The following ZNF521 variants were observed in gnomAD, a reference collection of about 807,000 sequenced individuals.
ZNF521 encodes the protein zinc finger protein 521, also known as LYST-interacting protein 3.
Under a neutral mutation model 105.5 loss-of-function variants are expected in ZNF521, and 14 were observed. That is an observed-to-expected ratio of 0.13 (90% CI 0.09 to 0.21). ZNF521 has a LOEUF of 0.21. ZNF521 is among the 10% of genes least tolerant of loss of function. The pLI, the probability that ZNF521 is intolerant of heterozygous loss-of-function variation, is 1.00. For synonymous variants in ZNF521, 635 were observed against 606.0 expected (o/e 1.05, Z -0.70); for missense variants, 1,233 against 1,629.7 (o/e 0.76, Z 4.19).
At chr18:25,314,350 CCATATGA>C (rs920770326) in intron 3 of ZNF521, among the ~76,000 whole-genome samples, 1 of 152,130 alleles carries the variant, frequency 6.6e-6, no homozygotes, top group Non-Finnish European at 1.5e-5. Context: ...TTTGCCACAA[CCATATGA>C]CACATGTATA....
At chr18:25,236,583 C>T (rs890202096) in intron 3 of ZNF521, among the ~76,000 whole-genome samples, 1 of 151,846 alleles carries the variant, frequency 6.6e-6, no homozygotes, top group African/African-American at 2.4e-5. Flanking sequence ...GTTGGACTAT[C>T]TTGAGACTTC....
At chr18:25,066,631 G>T (rs1413851787) in intron 7 of ZNF521, among the ~76,000 whole-genome samples, 2 of 152,148 alleles carry the variant, frequency 1.3e-5, no homozygotes, top group Non-Finnish European at 2.9e-5. Flanking sequence ...CAAGTGGGAA[G>T]GATAAAAAAG....
At chr18:25,346,735 G>A (rs1255590439) in intron 2 of ZNF521, among the ~76,000 whole-genome samples, 1 of 152,210 alleles carries the variant, frequency 6.6e-6, no homozygotes, top group African/African-American at 2.4e-5. Context: ...GTTAGCTACT[G>A]TGACGGCCAA....
chr18:25,117,628 A>G (rs2034354947), intron 5 of ZNF521, among the ~76,000 whole-genome samples: 1 of 152,136 alleles, frequency 6.6e-6, no homozygotes, highest in Non-Finnish European at 1.5e-5. Context: ...GAAAATTATA[A>G]TTTTTGAAAT....
chr18:25,235,330 T>G (rs1906814635), intron 3 of ZNF521, among the ~76,000 whole-genome samples: 1 of 152,206 alleles, frequency 6.6e-6, no homozygotes, highest in Non-Finnish European at 1.5e-5. Context: ...AATTTCTCAA[T>G]GCTACCAAGT....
chr18:25,089,150 T>C (rs891487227), intron 7 of ZNF521, among the ~76,000 whole-genome samples: 12 of 152,096 alleles, frequency 7.9e-5, no homozygotes, highest in African/African-American at 2.9e-4. Context: ...TAAAACAGGA[T>C]TTGGGAGAAT....
At chr18:25,321,370 C>G (rs1252736671) in intron 3 of ZNF521, among the ~76,000 whole-genome samples, 1 of 152,226 alleles carries the variant, frequency 6.6e-6, no homozygotes, top group Non-Finnish European at 1.5e-5. Flanking sequence ...TTAAATCTGA[C>G]TCTTCCAAGG....
intron 3 of ZNF521, among the ~76,000 whole-genome samples, chr18:25,284,862 G>C (rs111332422): frequency 0.016 from 2,494 of 151,860 alleles, 64 homozygotes; most frequent in African/African-American, 0.057. Flanking sequence ...AAACAAAAGA[G>C]GTTTCTAGTG....
chr18:25,125,523 A>G (rs1817838564), intron 5 of ZNF521, among the ~76,000 whole-genome samples: 1 of 151,732 alleles, frequency 6.6e-6, no homozygotes, highest in East Asian at 1.9e-4. Context: ...GTGTATGTGT[A>G]TATGTGTGTG....
At chr18:25,093,449 T>C (rs1167625363) in intron 5 of ZNF521, among the ~76,000 whole-genome samples, 1 of 152,196 alleles carries the variant, frequency 6.6e-6, no homozygotes, top group Non-Finnish European at 1.5e-5. Context: ...ACTGCAGTTA[T>C]TTTCTTTCAT....
chr18:25,350,815 GC>G, intron 2 of ZNF521, 91 bp downstream of exon 2: 1 of 1,411,620 alleles, frequency 7.1e-7, no homozygotes, highest in Non-Finnish European at 9.6e-7. Context: ...ACTCACGCGC[GC>G]ACACGCCTCG....
chr18:25,240,023 T>C (rs564104735), intron 3 of ZNF521, among the ~76,000 whole-genome samples: 1 of 152,122 alleles, frequency 6.6e-6, no homozygotes, highest in Non-Finnish European at 1.5e-5. Flanking sequence ...GGAGAACCCA[T>C]ACTTATCAGA....
At chr18:25,067,867 G>A (rs911520537) in intron 7 of ZNF521, among the ~76,000 whole-genome samples, 6 of 152,018 alleles carry the variant, frequency 3.9e-5, no homozygotes, top group African/African-American at 9.7e-5. Context: ...AAAATGTTAC[G>A]TATCAGTGGT....
In ZNF521 at chr18:25,062,752, CAAAAAAAAAAAAAAAAA is replaced by C. The variant is rs10540123; in HGVS notation, c.3907-28_3907-12del. On this transcript the variant is annotated splice_polypyrimidine_tract_variant and intron_variant, in intron 7 of 7. Coordinates refer to ENST00000361524, the MANE Select transcript of ZNF521 (RefSeq NM_015461.3). ...GGTCATTGTATGATTCTGTAAATAA[CAAAAAAAAAAAAAAAAA>C]AAAAAAAAAAAAAAAAGAGAAGAGA... 9.3e-4 allele frequency: 340 copies of C among 364,816 alleles called. 1 individual carries two copies. Among genetic ancestry groups the C allele is most frequent in the East Asian group, 2.9e-3 (63 of 21,546 alleles). 22.6% of individuals were successfully genotyped at this position (364,816 alleles called of 1,614,324 possible).
chr18:25,092,667 T>A (rs1488719823), intron 5 of ZNF521, among the ~76,000 whole-genome samples: 2 of 152,172 alleles, frequency 1.3e-5, no homozygotes, highest in African/African-American at 4.8e-5. Flanking sequence ...CTCCCTTAAC[T>A]CTGGAAGACA....
chr18:25,087,145 A>G (rs2033641692), intron 7 of ZNF521, among the ~76,000 whole-genome samples: 1 of 152,222 alleles, frequency 6.6e-6, no homozygotes, highest in Non-Finnish European at 1.5e-5. Flanking sequence ...GGAAAATGAT[A>G]GTAACTCACA....
At chr18:25,252,030 T>C (rs926992182) in intron 3 of ZNF521, among the ~76,000 whole-genome samples, 2 of 152,184 alleles carry the variant, frequency 1.3e-5, no homozygotes, top group African/African-American at 4.8e-5. Flanking sequence ...TCTTTCTCTA[T>C]GTAATCAAAA....
At chr18:25,326,819 GATGA>G (rs1369524756) in intron 2 of ZNF521, among the ~76,000 whole-genome samples, 1 of 152,198 alleles carries the variant, frequency 6.6e-6, no homozygotes, top group African/African-American at 2.4e-5. Context: ...ACTGGCAAGA[GATGA>G]ATGAACCCAA....
chr18:25,182,744 G>T (rs2035654156), intron 5 of ZNF521, among the ~76,000 whole-genome samples: 1 of 152,150 alleles, frequency 6.6e-6, no homozygotes, highest in Non-Finnish European at 1.5e-5. Context: ...AATGAATACT[G>T]TGGTCACTGG....
Sources: gnomAD v4.1 joint callset for allele counts (sites outside exome capture counted in the v4.1 genomes callset) on GRCh38, gnomAD v4.1.1 for gene constraint, MANE v1.5 for transcripts, NCBI Gene and HGNC (gene_info 2026-07-23, HGNC 2026-07-21) for gene names.